AFF2: variants seen among roughly 807,000 people sequenced by gnomAD.
AFF2 encodes the protein ALF transcription elongation factor 2, also known as AF4/FMR2 family member 2.
In AFF2, 14 loss-of-function variants were observed where a neutral mutation model predicts 76.9. That is an observed-to-expected ratio of 0.18 (90% CI 0.12 to 0.28). AFF2 has a LOEUF of 0.28. Ranked by LOEUF, AFF2 falls within the 10% of genes least tolerant of loss-of-function variation. The probability of loss-of-function intolerance (pLI) is 1.00; values close to 1 mark genes in which losing one functional copy is unlikely to be tolerated. For missense variants in AFF2, 868 were observed against 1,001.1 expected (o/e 0.87, Z 1.79); for synonymous variants, 398 against 366.7 (o/e 1.09, Z -0.98).
chrX:148,513,016 C>G (rs1387749920), intron 1 of AFF2, among the ~76,000 whole-genome samples: 1 of 111,563 alleles, frequency 9.0e-6, no homozygotes, highest in East Asian at 2.8e-4. Context: ...CAGTGAGGCA[C>G]ATAGAAGGGT....
intron 3 of AFF2, among the ~76,000 whole-genome samples, chrX:148,807,004 T>C (rs2070144811): frequency 8.9e-6 from 1 of 112,300 alleles, no homozygotes; most frequent in Non-Finnish European, 1.9e-5. Context: ...ATGAGAATGC[T>C]GGATTTTAGT....
chrX:148,794,953 G>C (rs2124626905), intron 3 of AFF2, among the ~76,000 whole-genome samples: 1 of 111,724 alleles, frequency 9.0e-6, no homozygotes, highest in South Asian at 3.8e-4. Context: ...TAAAACTTCA[G>C]ACAAATCATG....
chrX:148,811,688 A>G (rs890166714), intron 4 of AFF2, among the ~76,000 whole-genome samples: 4 of 111,928 alleles, frequency 3.6e-5, no homozygotes, highest in Non-Finnish European at 7.5e-5. Flanking sequence ...ATTTGTCACA[A>G]TCGAAATTAC....
At chrX:148,749,861 A>G (rs782728768) in intron 3 of AFF2, among the ~76,000 whole-genome samples, 7 of 111,554 alleles carry the variant, frequency 6.3e-5, no homozygotes, top group Non-Finnish European at 1.3e-4. Context: ...AGCAAAAAGT[A>G]TTTCCATTTC....
chrX:148,804,766 C>G (rs1569555793), intron 3 of AFF2, among the ~76,000 whole-genome samples: 1 of 112,265 alleles, frequency 8.9e-6, no homozygotes, highest in African/African-American at 3.2e-5. Context: ...GGACTTCTGT[C>G]TACAGCTTAT....
chrX:148,848,707 G>T (rs1461383598), intron 7 of AFF2, among the ~76,000 whole-genome samples: 1 of 112,201 alleles, frequency 8.9e-6, no homozygotes, highest in Non-Finnish European at 1.9e-5. Flanking sequence ...TAAAAATACT[G>T]CTAATCAGTT....
chrX:148,942,613 G>A (rs971462673), intron 9 of AFF2, among the ~76,000 whole-genome samples: 6 of 110,479 alleles, frequency 5.4e-5, no homozygotes, highest in South Asian at 3.9e-4. Flanking sequence ...TCAGGAGTTC[G>A]AGACCAGCCT....
At chrX:148,974,921 G>A (rs781880391) in intron 16 of AFF2, among the ~76,000 whole-genome samples, 5 of 112,213 alleles carry the variant, frequency 4.5e-5, no homozygotes, top group Admixed American at 9.4e-5. Context: ...GAACATACTG[G>A]CAAAAATCAT....
In AFF2 at chrX:148,993,452, C is replaced by T. The variant is rs1023503553; in HGVS notation, c.*2120C>T. ...ATGGTTTACCAGGTAGAGTGCCTGG[C>T]TATTACTATATAATGAAGCCCACTG... is the stretch of plus-strand genomic sequence containing the variant. On this transcript the variant is annotated 3_prime_UTR_variant, in exon 21 of 21. Transcript: ENST00000370460. The T allele has an allele frequency of 1.8e-5, 2 of 112,086 alleles. No individual in the cohort carries two copies. Among genetic ancestry groups the T allele is most frequent in the Admixed American group, 1.9e-4 (2 of 10,561 alleles). 9.2% of individuals were successfully genotyped at this position (112,086 alleles called of 1,213,427 possible). A position where few individuals can be genotyped will look rare whatever the true frequency, so the allele number is the denominator to read the frequency against.
At chrX:148,656,586 G>A (rs1004954163) in intron 2 of AFF2, among the ~76,000 whole-genome samples, 65 of 92,015 alleles carry the variant, frequency 7.1e-4, no homozygotes, top group Non-Finnish European at 1.2e-3. Flanking sequence ...TGCAAGCTCC[G>A]CCTCCCGGGT....
chrX:148,705,981 T>C (rs951615652), intron 3 of AFF2, among the ~76,000 whole-genome samples: 1 of 111,948 alleles, frequency 8.9e-6, no homozygotes, highest in African/African-American at 3.2e-5. Flanking sequence ...TGGGGCTCTA[T>C]ACATTTGGGA....
chrX:148,773,685 G>GGAAAGAAAGAAA (rs1205912443), intron 3 of AFF2, among the ~76,000 whole-genome samples: 5,459 of 51,253 alleles, frequency 0.11, 433 homozygotes, highest in East Asian at 0.19. Flanking sequence ...AAGGAAGGAA[G>GGAAAGAAAGAAA]GAAAGAAAGA....
At chrX:148,844,041 C>A (rs1028573161) in intron 7 of AFF2, among the ~76,000 whole-genome samples, 1 of 112,121 alleles carries the variant, frequency 8.9e-6, no homozygotes, top group Non-Finnish European at 1.9e-5. Context: ...CAGGTCAATA[C>A]CTGGGATACG....
rs537829314 is a variant in AFF2, at chrX:148,651,409, T to C, written c.48-590T>C. ...GCTTCCATTCACTTTTGAAGAAAAC[T>C]GTGAGAAGACCAACACCACAACAAC... On this transcript the variant is annotated intron_variant, in intron 1 of 20. Transcript: ENST00000370460. Among the ~76,000 whole-genome samples the C allele has an allele frequency of 1.4e-4, 16 of 112,440 alleles. No homozygotes were observed. In the South Asian group the frequency reaches 5.9e-3, roughly 41 times the overall value.
At chrX:148,892,758 A>T (rs1557279912) in intron 8 of AFF2, among the ~76,000 whole-genome samples, 1 of 111,319 alleles carries the variant, frequency 9.0e-6, no homozygotes, top group African/African-American at 3.3e-5. Flanking sequence ...GACAACAGAT[A>T]CTCTTCCCTG....
At chrX:148,576,711 G>A (rs2053290888) in intron 1 of AFF2, among the ~76,000 whole-genome samples, 1 of 111,055 alleles carries the variant, frequency 9.0e-6, no homozygotes. Context: ...AACCGAAAAG[G>A]TGGCTACCCA....
rs782573813 is a variant in AFF2, at chrX:148,958,433, C to T, written c.2665C>T (p.Pro889Ser). 6 of 1,210,836 alleles carry T rather than the reference C, an allele frequency of 5.0e-6. No homozygotes were observed. In the South Asian group the frequency reaches 5.3e-5, roughly 11 times the overall value. The change falls in exon 12 of 21, where the codon CCC (proline) becomes TCC (serine). Residue 889 changes from proline to serine, a missense_variant. Physicochemically the swap from Pro to Ser is moderately conservative, Grantham distance 74. Around this residue, in one of 6 missense-constraint regions of AFF2, gnomAD observed 532 missense variants for 564.2 expected, o/e 0.94. Transcript: ENST00000370460. ...CCCTCCTTGCATCTCACCAGCCCCA[C>T]CCCACAAGCCTCCCAACACTAGAGA... ...LLPPCISPAP[P>S]HKPPNTRENN...
intron 3 of AFF2, among the ~76,000 whole-genome samples, chrX:148,672,093 A>G (rs1289227698): frequency 6.2e-5 from 7 of 112,295 alleles, no homozygotes; most frequent in Non-Finnish European, 1.1e-4. Context: ...AAAGGTAGAT[A>G]ACCATATTGA....
At position 148,980,721 on chromosome X, in the gene AFF2, TTC is replaced by T. The variant is rs782260069; in HGVS notation, c.3571-7_3571-6del. 27 of 1,176,826 alleles carry T rather than the reference TTC, an allele frequency of 2.3e-5. No homozygotes were observed. Among genetic ancestry groups the T allele is most frequent in the East Asian group, 1.5e-4 (5 of 32,973 alleles). On this transcript the variant is annotated splice_polypyrimidine_tract_variant and intron_variant, in intron 18 of 20. Coordinates refer to ENST00000370460, the MANE Select transcript of AFF2 (RefSeq NM_002025.4). ...ATAGATGTCCTTATTTCCCTTTCTC[TTC>T]TCTCTCTCTTTTAGCAAAATGCTTC... is the stretch of plus-strand genomic sequence containing the variant.
Sources: allele counts gnomAD v4.1 joint callset (sites outside exome capture counted in the v4.1 genomes callset), GRCh38; gene constraint gnomAD v4.1.1; regional missense constraint gnomAD v4.1.1; transcripts MANE v1.5; gene names NCBI Gene and HGNC (gene_info 2026-07-23, HGNC 2026-07-21).